Variants in PARD3B observed in about 807,000 individuals in gnomAD.
PARD3B encodes the protein partitioning defective 3 homolog B.
PARD3B carries 103 observed loss-of-function variants against 130.2 expected under a neutral mutation model. The observed-to-expected ratio is 0.79, with a 90% CI of 0.67 to 0.93. PARD3B has a LOEUF of 0.93. Among genes scored for constraint, PARD3B ranks in the 40% least tolerant of loss-of-function variants. The probability of loss-of-function intolerance (pLI) is 0.00; values close to 1 mark genes in which losing one functional copy is unlikely to be tolerated. For missense variants in PARD3B, 1,609 were observed against 1,499.2 expected (o/e 1.07, Z -1.21); for synonymous variants, 583 against 553.2 (o/e 1.05, Z -0.76).
At chr2:205,120,091 A>T (rs2030494916) in intron 7 of PARD3B, among the ~76,000 whole-genome samples, 1 of 152,148 alleles carries the variant, frequency 6.6e-6, no homozygotes, top group Non-Finnish European at 1.5e-5. Context: ...GTCGAGGAAA[A>T]GTGGGTACTG....
rs200675523 is a variant in PARD3B, at chr2:205,035,103, TC to T, written c.395-12469del. On this transcript the variant is annotated intron_variant, in intron 3 of 22. Coordinates refer to ENST00000406610, the MANE Select transcript of PARD3B (RefSeq NM_001302769.2). Reference sequence around the variant, plus strand: ...GTCTCGAACTCCTAACCTCAGGTGATCCCCCCCCCTCAGCCTCCCAAAGTGC... The same window carrying T: ...GTCTCGAACTCCTAACCTCAGGTGATCCCCCCCCTCAGCCTCCCAAAGTGC... Among the ~76,000 whole-genome samples, 169 of 150,556 alleles carry T rather than the reference TC, an allele frequency of 1.1e-3. 2 individuals carry two copies. In the East Asian group the frequency reaches 0.026, roughly 23 times the overall value.
chr2:205,465,398 C>T lies in PARD3B; in HGVS notation c.3044+24726C>T, dbSNP rs146080247. Among the ~76,000 whole-genome samples, 387 of 152,230 alleles carry T rather than the reference C, an allele frequency of 2.5e-3. 1 individual carries two copies. The highest frequency in any genetic ancestry group is 8.7e-3 in the African/African-American group (360 of 41,542). Reference sequence around the variant, plus strand: ...ATTATCAGGTGAGCCAGGATTTGTACGCCTGAATAAAGAGCCTAGACGTTT... The same window carrying T: ...ATTATCAGGTGAGCCAGGATTTGTATGCCTGAATAAAGAGCCTAGACGTTT... On this transcript the variant is annotated intron_variant, in intron 20 of 22. Transcript: ENST00000406610.
chr2:205,428,126 T>TAATC (rs2047207899), intron 19 of PARD3B, among the ~76,000 whole-genome samples: 1 of 152,050 alleles, frequency 6.6e-6, no homozygotes, highest in Non-Finnish European at 1.5e-5. Context: ...CTCACACCTG[T>TAATC]AATCCCAGCA....
At chr2:205,264,080 G>A (rs2040414798) in intron 16 of PARD3B, among the ~76,000 whole-genome samples, 3 of 150,872 alleles carry the variant, frequency 2.0e-5, no homozygotes, top group Non-Finnish European at 4.4e-5. Flanking sequence ...GAGACTTTGA[G>A]GCTAGAAGAT....
At chr2:204,745,951 C>T (rs1297966600) in intron 2 of PARD3B, among the ~76,000 whole-genome samples, 1 of 151,354 alleles carries the variant, frequency 6.6e-6, no homozygotes, top group Non-Finnish European at 1.5e-5. Context: ...GTAAAACGAA[C>T]AAAAACATGT....
At position 205,258,945 on chromosome 2, in the gene PARD3B, T is replaced by C. The variant is rs374378412; in HGVS notation, c.2185+13123T>C. 7.7e-4 allele frequency among the ~76,000 whole-genome samples: 117 copies of C among 152,312 alleles called. 4 individuals are homozygous for C. The South Asian group carries it at 0.024, about 31-fold the overall frequency. On this transcript the variant is annotated intron_variant, in intron 16 of 22. Transcript: ENST00000406610. The surrounding 1 kb of genome is among the most constrained non-coding windows in gnomAD (Gnocchi z 4.9). ...GCTTTTTAATCCCATTTTTTTCTGA[T>C]AGTGATTTGAAAATTATACACTGCA...
rs568534230 is a variant in PARD3B, at chr2:205,408,563, C to T, written c.2741+7440C>T. ...TTGGTTGTAATCTACACACATATAACGCTCCTAAATATATACAGCAACAAG... is the reference window on the plus strand; with the variant it reads ...TTGGTTGTAATCTACACACATATAATGCTCCTAAATATATACAGCAACAAG... On this transcript the variant is annotated intron_variant, in intron 19 of 22. Coordinates refer to ENST00000406610, the MANE Select transcript of PARD3B (RefSeq NM_001302769.2). Among the ~76,000 whole-genome samples the T allele has an allele frequency of 9.9e-5, 15 of 152,176 alleles. No homozygotes were observed. The South Asian group carries it at 1.0e-3, about 11-fold the overall frequency.
At chr2:204,942,749 T>C (rs1389542120) in intron 2 of PARD3B, among the ~76,000 whole-genome samples, 1 of 152,206 alleles carries the variant, frequency 6.6e-6, no homozygotes, top group Non-Finnish European at 1.5e-5. Context: ...GGTATAAATA[T>C]TTGAAATAGG....
At chr2:205,482,831 T>C (rs2049294967) in intron 20 of PARD3B, 1 of 152,140 alleles carries the variant, frequency 6.6e-6, no homozygotes. Flanking sequence ...ATGCGGCTGA[T>C]TTTAGAGAAA....
At chr2:205,108,271 T>C (rs1167434979) in intron 5 of PARD3B, among the ~76,000 whole-genome samples, 3 of 152,190 alleles carry the variant, frequency 2.0e-5, no homozygotes, top group Middle Eastern at 3.2e-3. Context: ...GTGTCACATA[T>C]CACTGCATAA....
At chr2:204,892,330 G>A (rs2046478383) in intron 2 of PARD3B, among the ~76,000 whole-genome samples, 1 of 152,168 alleles carries the variant, frequency 6.6e-6, no homozygotes, top group Non-Finnish European at 1.5e-5. Context: ...AGATCTTATT[G>A]TGGGCCACAT....
intron 10 of PARD3B, among the ~76,000 whole-genome samples, chr2:205,138,710 G>T (rs966128812): frequency 1.3e-5 from 2 of 152,166 alleles, no homozygotes; most frequent in African/African-American, 4.8e-5. Context: ...AATTATGAAA[G>T]ATCTGTATAT....
At chr2:204,651,576 A>G (rs567710860) in intron 1 of PARD3B, among the ~76,000 whole-genome samples, 34 of 152,244 alleles carry the variant, frequency 2.2e-4, no homozygotes, top group Admixed American at 1.9e-3. Flanking sequence ...ACTTTCCTAG[A>G]CACATGGTAT....
At chr2:204,743,364 T>C (rs2040086270) in intron 2 of PARD3B, among the ~76,000 whole-genome samples, 1 of 152,138 alleles carries the variant, frequency 6.6e-6, no homozygotes, top group Non-Finnish European at 1.5e-5. Context: ...CTTTATTTTA[T>C]GGTTCTTTGC....
Position 205,287,219 on chromosome 2 carries a change from A to G in PARD3B, c.2186-13311A>G, listed in dbSNP as rs555056469. Among the ~76,000 whole-genome samples the G allele has an allele frequency of 6.6e-6, 1 of 152,308 alleles. No homozygotes were observed. Among genetic ancestry groups the G allele is most frequent in the African/African-American group, 2.4e-5 (1 of 41,564 alleles). On this transcript the variant is annotated intron_variant, in intron 16 of 22. Coordinates refer to ENST00000406610, the MANE Select transcript of PARD3B (RefSeq NM_001302769.2). This position sits in a 1 kb window ranked among gnomAD's most constrained non-coding sequence, Gnocchi z 4.8. ...TAACATGGATTGTTATGTGGATGAGAGATTGGAGAATAGAATATGAAGTCA... is the reference window on the plus strand; with the variant it reads ...TAACATGGATTGTTATGTGGATGAGGGATTGGAGAATAGAATATGAAGTCA...
intron 1 of PARD3B, among the ~76,000 whole-genome samples, chr2:204,595,420 AGTGGTTGATG>A: frequency 6.6e-6 from 1 of 152,190 alleles, no homozygotes. Context: ...TGTCCCAGGC[AGTGGTTGATG>A]GTTTGACTCT....
At chr2:205,510,345 T>A (rs977309014) in intron 21 of PARD3B, among the ~76,000 whole-genome samples, 10 of 152,218 alleles carry the variant, frequency 6.6e-5, no homozygotes, top group Non-Finnish European at 1.3e-4. Context: ...TCTTAGTTAT[T>A]ATTGGAGCTC....
chr2:205,478,500 T>A (rs1369224524), intron 20 of PARD3B, among the ~76,000 whole-genome samples: 2 of 152,228 alleles, frequency 1.3e-5, no homozygotes, highest in African/African-American at 4.8e-5. Context: ...CTATTCGCTT[T>A]TACCCAGAGC....
At chr2:205,234,121 T>C (rs749068417) in intron 15 of PARD3B, among the ~76,000 whole-genome samples, 47 of 152,250 alleles carry the variant, frequency 3.1e-4, no homozygotes, top group Non-Finnish European at 4.3e-4. Flanking sequence ...TAAATATATA[T>C]GTTAGACCAT....
Sources: gnomAD v4.1 joint callset for allele counts (sites outside exome capture counted in the v4.1 genomes callset) on GRCh38, gnomAD v4.1.1 for gene constraint, Gnocchi (gnomAD v3.1) non-coding constraint, MANE v1.5 for transcripts, NCBI Gene and HGNC (gene_info 2026-07-23, HGNC 2026-07-21) for gene names.